The following WWOX variants were observed in gnomAD, a reference collection of about 807,000 sequenced individuals.
The protein encoded by WWOX is WW domain-containing oxidoreductase.
Under a neutral mutation model 46.2 loss-of-function variants are expected in WWOX, and 69 were observed. The observed-to-expected ratio is 1.49, with a 90% CI of 1.23 to 1.82. The LOEUF (loss-of-function observed/expected upper bound fraction) is 1.82. Ranked by LOEUF, WWOX falls within the 40% of genes most tolerant of loss-of-function variation. The pLI is 0.00. For synonymous variants in WWOX, 359 were observed against 202.6 expected (o/e 1.77, Z -6.56); for missense variants, 919 against 542.6 (o/e 1.69, Z -6.89).
intron 8 of WWOX, chr16:78,756,891 A>G (rs1365558446): frequency 2.4e-5 from 17 of 703,006 alleles, no homozygotes; most frequent in Non-Finnish European, 2.6e-5. Flanking sequence ...AGGCTAGACC[A>G]TAAAAATATT....
intron 5 of WWOX, among the ~76,000 whole-genome samples, chr16:78,380,078 C>T (rs979329841): frequency 6.6e-6 from 1 of 152,144 alleles, no homozygotes; most frequent in African/African-American, 2.4e-5. Context: ...ACTGTGCTAC[C>T]AATGAGTGCC....
chr16:78,344,197 T>C (rs1318707658), intron 5 of WWOX, among the ~76,000 whole-genome samples: 1 of 120,012 alleles, frequency 8.3e-6, no homozygotes, highest in Non-Finnish European at 2.0e-5. Context: ...CTGGTATTTA[T>C]GAGTGAATGG....
At chr16:78,878,595 G>T (rs1023606374) in intron 8 of WWOX, among the ~76,000 whole-genome samples, 14 of 152,068 alleles carry the variant, frequency 9.2e-5, no homozygotes, top group African/African-American at 2.9e-4. Context: ...TTGCTATGAG[G>T]ATATCATGAG....
intron 8 of WWOX, among the ~76,000 whole-genome samples, chr16:78,453,617 C>G (rs555239282): frequency 6.6e-6 from 1 of 152,150 alleles, no homozygotes; most frequent in South Asian, 2.1e-4. Context: ...AAACCAGCTA[C>G]TTCAGCCCTG....
chr16:78,950,603 A>G (rs1460323023), intron 8 of WWOX, among the ~76,000 whole-genome samples: 1 of 152,110 alleles, frequency 6.6e-6, no homozygotes, highest in African/African-American at 2.4e-5. Flanking sequence ...CTAACATAAT[A>G]AAAAAGATTG....
At chr16:78,565,814 C>G (rs1416471942) in intron 8 of WWOX, among the ~76,000 whole-genome samples, 2 of 152,172 alleles carry the variant, frequency 1.3e-5, no homozygotes, top group African/African-American at 2.4e-5. Context: ...GGGGGCCACT[C>G]AGTGATGGGA....
intron 8 of WWOX, among the ~76,000 whole-genome samples, chr16:78,504,771 C>T (rs907430967): frequency 6.6e-6 from 1 of 151,930 alleles, no homozygotes; most frequent in South Asian, 2.1e-4. Context: ...ATGAAGCCTC[C>T]CCGTTTACAT....
At chr16:78,502,692 A>G (rs554557453) in intron 8 of WWOX, among the ~76,000 whole-genome samples, 1 of 152,200 alleles carries the variant, frequency 6.6e-6, no homozygotes, top group Non-Finnish European at 1.5e-5. Flanking sequence ...CTTTGATGAC[A>G]TGTCTTGGCA....
In WWOX at chr16:78,439,041, C is replaced by A. The variant is rs184017882; in HGVS notation, c.1056+6289C>A. Among the ~76,000 whole-genome samples the A allele has an allele frequency of 4.1e-3, 624 of 152,254 alleles. 8 individuals are homozygous for A. Among genetic ancestry groups the A allele is most frequent in the African/African-American group, 0.014 (572 of 41,544 alleles). ...AGTATTTTAGAAAAATACTTCTCCCCCTTTCCATCTTTAAATACCTGCAGC... is the reference window on the plus strand; with the variant it reads ...AGTATTTTAGAAAAATACTTCTCCCACTTTCCATCTTTAAATACCTGCAGC... On this transcript the variant is annotated intron_variant, in intron 8 of 8. Coordinates refer to ENST00000566780, the MANE Select transcript of WWOX (RefSeq NM_016373.4).
At chr16:78,287,526 A>G (rs566145478) in intron 5 of WWOX, among the ~76,000 whole-genome samples, 3 of 152,304 alleles carry the variant, frequency 2.0e-5, no homozygotes, top group South Asian at 4.1e-4. Context: ...AGTATATGCT[A>G]TCATCTCTGA....
At chr16:78,150,204 G>C (rs1456207679) in intron 4 of WWOX, among the ~76,000 whole-genome samples, 1 of 152,122 alleles carries the variant, frequency 6.6e-6, no homozygotes, top group South Asian at 2.1e-4. Context: ...ATTTACTTAT[G>C]TTTACCTGTT....
intron 8 of WWOX, among the ~76,000 whole-genome samples, chr16:78,587,257 T>G (rs934874930): frequency 4.7e-5 from 7 of 150,400 alleles, no homozygotes; most frequent in Admixed American, 1.3e-4. Flanking sequence ...GCTTGTCTTG[T>G]ACTGGGCTCA....
intron 8 of WWOX, among the ~76,000 whole-genome samples, chr16:78,532,029 T>C (rs1422828744): frequency 6.6e-6 from 1 of 151,710 alleles, no homozygotes; most frequent in Non-Finnish European, 1.5e-5. Flanking sequence ...AGACAGGATC[T>C]GTAGGTCAGA....
intron 6 of WWOX, among the ~76,000 whole-genome samples, chr16:78,394,175 A>G (rs1261303704): frequency 6.6e-6 from 1 of 152,298 alleles, no homozygotes; most frequent in Middle Eastern, 3.4e-3. Flanking sequence ...TGTTTTAGCC[A>G]ACATATCTGC....
chr16:78,340,765 T>G lies in WWOX; in HGVS notation c.517-46095T>G, dbSNP rs900634035. On this transcript the variant is annotated intron_variant, in intron 5 of 8. Coordinates refer to ENST00000566780, the MANE Select transcript of WWOX (RefSeq NM_016373.4). ...TGCTTGGGGAAGGTGTAGCTCTGAC[T>G]GCTAGAGTTCTAGAGCCAAGTGAGG... 2.5e-5 allele frequency among the ~76,000 whole-genome samples: 3 copies of G among 118,356 alleles called. 1 individual carries two copies. Among genetic ancestry groups the G allele is most frequent in the Admixed American group, 8.3e-5 (1 of 12,022 alleles). 77.6% of individuals were successfully genotyped at this position (118,356 alleles called of 152,430 possible).
intron 8 of WWOX, among the ~76,000 whole-genome samples, chr16:79,011,890 G>A (rs373887130): frequency 6.6e-6 from 1 of 152,166 alleles, no homozygotes; most frequent in Non-Finnish European, 1.5e-5. Flanking sequence ...ATGGCCTCCA[G>A]TGATCCTCCC....
intron 8 of WWOX, among the ~76,000 whole-genome samples, chr16:78,682,166 T>C (rs2047745070): frequency 6.6e-6 from 1 of 152,222 alleles, no homozygotes; most frequent in Admixed American, 6.5e-5. Context: ...CTAATTATTT[T>C]TTACACCTAC....
At chr16:79,067,253 C>G (rs970889908) in intron 8 of WWOX, among the ~76,000 whole-genome samples, 1 of 152,164 alleles carries the variant, frequency 6.6e-6, no homozygotes, top group Non-Finnish European at 1.5e-5. Context: ...TAAAACACAT[C>G]AGATCAAAGT....
intron 8 of WWOX, among the ~76,000 whole-genome samples, chr16:79,107,325 T>G (rs1030404910): frequency 4.0e-5 from 6 of 151,814 alleles, no homozygotes; most frequent in Non-Finnish European, 8.8e-5. Context: ...TGAGCTCAAG[T>G]GATCCGCCCT....
Sources: allele counts gnomAD v4.1 joint callset (sites outside exome capture counted in the v4.1 genomes callset), GRCh38; gene constraint gnomAD v4.1.1; transcripts MANE v1.5; gene names NCBI Gene and HGNC (gene_info 2026-07-23, HGNC 2026-07-21).